Variants in SLF2 observed in about 807,000 individuals in gnomAD.
The protein encoded by SLF2 is SMC5-SMC6 complex localization factor protein 2.
SLF2 carries 68 observed loss-of-function variants against 124.3 expected under a neutral mutation model. That is an observed-to-expected ratio of 0.55 (90% CI 0.45 to 0.67). The LOEUF is 0.67. Among genes scored for constraint, SLF2 ranks in the 30% least tolerant of loss-of-function variants. SLF2 has a pLI of 0.00. For synonymous variants in SLF2, 480 were observed against 478.8 expected, an observed-to-expected ratio of 1.00 and a Z score of -0.03; for missense variants, 1,246 against 1,373.7, an observed-to-expected ratio of 0.91 and a Z score of 1.47.
chr10:100,945,365 T>A lies in SLF2; in HGVS notation c.2793T>A (p.Gly931=), dbSNP rs778370860. The A allele has an allele frequency of 6.2e-7, 1 of 1,600,594 alleles. No individual in the cohort carries two copies. The highest frequency in any genetic ancestry group is 1.1e-5 in the South Asian group (1 of 87,250). Residue 931 remains glycine, a synonymous_variant, in exon 13 of 20, where the codon GGT becomes GGA. Coordinates refer to ENST00000238961, the MANE Select transcript of SLF2 (RefSeq NM_018121.4). ...TGTGTACATCTATACATCCAGAAGGTTACCAGGATCGTGAAATAATGTTGC... is the reference window on the plus strand; with the variant it reads ...TGTGTACATCTATACATCCAGAAGGATACCAGGATCGTGAAATAATGTTGC... The part of the protein sequence containing the change: ...LGLCTSIHPE[G]YQDREIMLLI...
At chr10:100,935,340 A>G (rs1849824404) in intron 9 of SLF2, among the ~76,000 whole-genome samples, 1 of 152,000 alleles carries the variant, frequency 6.6e-6, no homozygotes, top group Non-Finnish European at 1.5e-5. Flanking sequence ...GGTCGCAGTG[A>G]GCCAAGATCA....
rs36074599 is a variant in SLF2, at chr10:100,936,865, TAAAAA to T, written c.2437-528_2437-524del. On this transcript the variant is annotated intron_variant, in intron 9 of 19. Transcript: ENST00000238961. ...TTTGTCTAATTATAAATGAAAGTTG[TAAAAA>T]AAAAAAAAGCAGCATGTTAGAATGT... Among the ~76,000 whole-genome samples, 723 of 146,620 alleles carry T rather than the reference TAAAAA, an allele frequency of 4.9e-3. 7 individuals carry two copies. Among genetic ancestry groups the T allele is most frequent in the Middle Eastern group, 0.021 (6 of 284 alleles).
At chr10:100,926,351 TC>T in intron 6 of SLF2, 1 of 1,357,342 alleles carries the variant, frequency 7.4e-7, no homozygotes, top group Non-Finnish European at 9.6e-7. Context: ...ATGCCTGTAA[TC>T]CAGTACTTTA....
chr10:100,916,498 CATT>C (rs1849415893), intron 2 of SLF2, 69 bp from the exon 3 acceptor site: 22 of 1,136,846 alleles, frequency 1.9e-5, no homozygotes, highest in Non-Finnish European at 2.2e-5. Flanking sequence ...ATATTTTAAA[CATT>C]AATAATTTAG....
At chr10:100,942,608 T>C (rs1467860451) in intron 11 of SLF2, among the ~76,000 whole-genome samples, 1 of 152,106 alleles carries the variant, frequency 6.6e-6, no homozygotes, top group Non-Finnish European at 1.5e-5. Context: ...AACCTCCACC[T>C]CCCAGGTTCA....
chr10:100,950,846 TA>T (rs1167861254), intron 17 of SLF2, 93 bp downstream of exon 17: 1 of 955,412 alleles, frequency 1.0e-6, no homozygotes, highest in African/African-American at 1.7e-5. Context: ...GAAAACTATG[TA>T]AACTTTTCTT....
At chr10:100,960,548 T>C (rs561966921) in intron 19 of SLF2, among the ~76,000 whole-genome samples, 30 of 152,348 alleles carry the variant, frequency 2.0e-4, no homozygotes, top group African/African-American at 6.7e-4. Context: ...ATTGGTCATT[T>C]GTATAGCTTT....
chr10:100,929,165 G>A, intron 6 of SLF2, 152 bp from the exon 7 acceptor site: 1 of 574,320 alleles, frequency 1.7e-6, no homozygotes, highest in South Asian at 3.2e-5. Context: ...TGATGTATTT[G>A]GGAGACATAA....
chr10:100,954,003 T>C (rs1175508626), intron 17 of SLF2, among the ~76,000 whole-genome samples: 1 of 151,794 alleles, frequency 6.6e-6, no homozygotes, highest in Non-Finnish European at 1.5e-5. Flanking sequence ...ACAACTGTAA[T>C]ACTAGCACTT....
chr10:100,913,255 C>A lies in SLF2; in HGVS notation c.140+5C>A. ...AACAGAGAGTCCTGGGGACAGGTAC[C>A]GTGCAGAGGGCTTGAGAAGGGGCCG... On this transcript the variant is annotated splice_donor_5th_base_variant and intron_variant, in intron 1 of 19. Transcript: ENST00000238961. The A allele has an allele frequency of 6.3e-7, 1 of 1,590,774 alleles. No homozygotes were observed. The highest frequency in any genetic ancestry group is 8.6e-7 in the Non-Finnish European group (1 of 1,168,358).
At chr10:100,918,262 C>T in intron 3 of SLF2, 122 bp from the exon 4 acceptor site, 2 of 522,198 alleles carry the variant, frequency 3.8e-6, no homozygotes, top group Non-Finnish European at 3.4e-6. Flanking sequence ...TTAGGATTTA[C>T]CTCCAAATAT....
At chr10:100,921,433 G>A (rs939144383) in intron 4 of SLF2, among the ~76,000 whole-genome samples, 9 of 152,118 alleles carry the variant, frequency 5.9e-5, no homozygotes, top group African/African-American at 1.9e-4. Context: ...AATATTTTAT[G>A]TATTAGTATA....
At chr10:100,932,152 G>T (rs1255440831) in intron 9 of SLF2, among the ~76,000 whole-genome samples, 2 of 152,058 alleles carry the variant, frequency 1.3e-5, no homozygotes, top group Non-Finnish European at 2.9e-5. Context: ...TCTTCGCAGT[G>T]GCTCATGCCT....
intron 19 of SLF2, among the ~76,000 whole-genome samples, chr10:100,961,124 C>T (rs952916067): frequency 6.7e-6 from 1 of 149,026 alleles, no homozygotes; most frequent in Non-Finnish European, 1.5e-5. Flanking sequence ...ATTCTCCTGC[C>T]TCAGCCTCCT....
chr10:100,918,272 T>C, intron 3 of SLF2, 112 bp from the exon 4 acceptor site: 1 of 562,036 alleles, frequency 1.8e-6, no homozygotes, highest in Non-Finnish European at 3.1e-6. Flanking sequence ...CCTCCAAATA[T>C]GGGTGCTTGC....
At chr10:100,936,218 C>G (rs1471039765) in intron 9 of SLF2, among the ~76,000 whole-genome samples, 1 of 151,832 alleles carries the variant, frequency 6.6e-6, no homozygotes, top group Non-Finnish European at 1.5e-5. Flanking sequence ...CTGCTTTCCT[C>G]TTTTCTAGTA....
At chr10:100,953,378 A>C (rs1349808024) in intron 17 of SLF2, among the ~76,000 whole-genome samples, 2 of 150,494 alleles carry the variant, frequency 1.3e-5, no homozygotes, top group Non-Finnish European at 3.0e-5. Flanking sequence ...CATGCCTGTA[A>C]TCCCAGCACT....
chr10:100,944,098 T>TC lies in SLF2; in HGVS notation c.2729dup (p.Glu911Ter). 6.2e-7 allele frequency: 1 copy of TC among 1,612,442 alleles called. No individual in the cohort carries two copies. The highest frequency in any genetic ancestry group is 8.5e-7 in the Non-Finnish European group (1 of 1,178,960). On this transcript the variant is annotated frameshift_variant, in exon 12 of 20. Transcript: ENST00000238961. LOFTEE classifies it high-confidence loss of function. ...CTTATAAGCCAATTTTTTCAACACT[T>TC]CCTGAAACCAACATTTTAAATGTGG...
chr10:100,933,245 T>C (rs951398198), intron 9 of SLF2, among the ~76,000 whole-genome samples: 1 of 152,252 alleles, frequency 6.6e-6, no homozygotes, highest in Non-Finnish European at 1.5e-5. Flanking sequence ...CCCATTGTTA[T>C]AGCCATTCAA....
Sources: gnomAD v4.1 joint callset for allele counts (sites outside exome capture counted in the v4.1 genomes callset) on GRCh38, gnomAD v4.1.1 for gene constraint, MANE v1.5 for transcripts, NCBI Gene and HGNC (gene_info 2026-07-23, HGNC 2026-07-21) for gene names.